Variants in TTC28 observed in about 807,000 individuals in gnomAD.
TTC28 encodes the protein tetratricopeptide repeat protein 28.
TTC28 carries 61 observed loss-of-function variants against 198.0 expected under a neutral mutation model. The ratio of observed to expected loss-of-function variants is 0.31; its 90% CI spans 0.25 to 0.38. TTC28 has a LOEUF of 0.38. TTC28 is among the 10% of genes least tolerant of loss of function. The probability of loss-of-function intolerance (pLI) is 1.00; values close to 1 mark genes in which losing one functional copy is unlikely to be tolerated. For missense variants in TTC28, 2,678 were observed against 3,164.0 expected, an observed-to-expected ratio of 0.85 and a Z score of 3.69; for synonymous variants, 1,171 against 1,297.8, an observed-to-expected ratio of 0.90 and a Z score of 2.10.
chr22:28,323,607 C>T (rs909911520), intron 2 of TTC28, among the ~76,000 whole-genome samples: 6 of 151,974 alleles, frequency 3.9e-5, no homozygotes, highest in African/African-American at 1.5e-4. Context: ...ATGAAGTGGG[C>T]TTACAGGATC....
At chr22:28,413,443 CG>C (rs1275285190) in intron 2 of TTC28, among the ~76,000 whole-genome samples, 1 of 151,828 alleles carries the variant, frequency 6.6e-6, no homozygotes, top group African/African-American at 2.4e-5. Context: ...AGTTTCTAGT[CG>C]TCTGATGTAC....
intron 2 of TTC28, among the ~76,000 whole-genome samples, chr22:28,397,185 T>C (rs1012992356): frequency 2.0e-5 from 3 of 152,302 alleles, no homozygotes; most frequent in South Asian, 2.1e-4. Context: ...CATTAACTAG[T>C]AAGATAAAGA....
At chr22:28,038,275 A>G (rs1256881986) in intron 12 of TTC28, among the ~76,000 whole-genome samples, 2 of 152,202 alleles carry the variant, frequency 1.3e-5, no homozygotes, top group African/African-American at 4.8e-5. Context: ...ACTATACTAC[A>G]AGGCTACAGT....
At chr22:28,266,111 C>T (rs764951084) in intron 5 of TTC28, among the ~76,000 whole-genome samples, 2 of 149,576 alleles carry the variant, frequency 1.3e-5, no homozygotes, top group South Asian at 2.1e-4. Context: ...ACCTGGGAGG[C>T]GGAGGTTGCA....
intron 12 of TTC28, 139 bp downstream of exon 12, chr22:28,093,938 TCTG>T: frequency 1.2e-6 from 1 of 833,862 alleles, no homozygotes; most frequent in Non-Finnish European, 1.8e-6. Context: ...CATATTTGTT[TCTG>T]CTGCAGCAGC....
intron 5 of TTC28, among the ~76,000 whole-genome samples, chr22:28,275,183 A>G (rs1175170363): frequency 6.6e-6 from 1 of 152,200 alleles, no homozygotes; most frequent in Non-Finnish European, 1.5e-5. Context: ...CGGAAGTTCT[A>G]TAAGAAATTT....
At chr22:28,394,865 TCTC>T (rs2062934501) in intron 2 of TTC28, among the ~76,000 whole-genome samples, 1 of 152,092 alleles carries the variant, frequency 6.6e-6, no homozygotes, top group Non-Finnish European at 1.5e-5. Flanking sequence ...ATTTTGTCTC[TCTC>T]CTCCTCAGAA....
At chr22:28,391,294 T>G (rs2046715307) in intron 2 of TTC28, among the ~76,000 whole-genome samples, 3 of 152,170 alleles carry the variant, frequency 2.0e-5, no homozygotes, top group Non-Finnish European at 4.4e-5. Flanking sequence ...TCATTTCAAC[T>G]TTGGTGAATC....
intron 2 of TTC28, among the ~76,000 whole-genome samples, chr22:28,525,770 AC>A (rs1023181078): frequency 4.6e-5 from 7 of 152,174 alleles, no homozygotes; most frequent in African/African-American, 1.7e-4. Flanking sequence ...AAGTCTGAAA[AC>A]TAACAAAATT....
At chr22:28,149,606 A>C (rs1024673868) in intron 6 of TTC28, among the ~76,000 whole-genome samples, 6 of 152,230 alleles carry the variant, frequency 3.9e-5, no homozygotes, top group South Asian at 4.1e-4. Flanking sequence ...ATGCAGGGTC[A>C]GAATCATCAA....
At chr22:28,611,609 T>G (rs2050821185) in intron 2 of TTC28, among the ~76,000 whole-genome samples, 1 of 148,444 alleles carries the variant, frequency 6.7e-6, no homozygotes, top group Non-Finnish European at 1.5e-5. Context: ...CTGCACCCAC[T>G]AACATGTCAT....
At chr22:28,407,650 A>C (rs2047019167) in intron 2 of TTC28, among the ~76,000 whole-genome samples, 1 of 152,242 alleles carries the variant, frequency 6.6e-6, no homozygotes, top group South Asian at 2.1e-4. Context: ...TTTTATAAGA[A>C]AGAAAAACAT....
rs543621165 is a variant in TTC28 at position 28,127,195 on chromosome 22, T to C, written c.1442-18792A>G. Among the ~76,000 whole-genome samples the C allele has an allele frequency of 1.8e-3, 281 of 152,322 alleles. 5 individuals carry two copies. Among genetic ancestry groups the C allele is most frequent in the Non-Finnish European group, 1.8e-4 (12 of 68,026 alleles). On this transcript the variant is annotated intron_variant, in intron 6 of 22. Transcript: ENST00000397906. The stretch of plus-strand genomic sequence containing the variant: ...TAAAAATATCTAGTACAGACAAGAC[T>C]GGGCCTTGGAGATACAAGTAGCTTT...
intron 14 of TTC28, 142 bp from the exon 15 acceptor site, chr22:28,001,695 G>A (rs1264503724): frequency 2.0e-6 from 2 of 978,770 alleles, no homozygotes; most frequent in Middle Eastern, 3.3e-4. Context: ...CATGGGGCAT[G>A]GGCCGAGTTG....
chr22:28,306,688 C>A (rs1285878787), intron 2 of TTC28, 45 bp from the exon 3 acceptor site: 4 of 1,540,952 alleles, frequency 2.6e-6, no homozygotes, highest in Non-Finnish European at 3.5e-6. Context: ...TGTGCTCCAA[C>A]AAGGCTGATG....
In TTC28 at chr22:28,456,764, C is replaced by T. The variant is rs549826878; in HGVS notation, c.382-150121G>A. Among the ~76,000 whole-genome samples, 41 of 152,164 alleles carry T rather than the reference C, an allele frequency of 2.7e-4. No homozygotes were observed. The South Asian group carries it at 7.3e-3, about 27-fold the overall frequency. The stretch of plus-strand genomic sequence containing the variant: ...CTAATTTTTGTATTTTTAGTAGAGA[C>T]GGGGTTTCACGATGTTGGCCAGGAT... On this transcript the variant is annotated intron_variant, in intron 2 of 22. Coordinates refer to ENST00000397906, the MANE Select transcript of TTC28 (RefSeq NM_001145418.2).
At chr22:28,647,182 T>C (rs565756142) in intron 1 of TTC28, among the ~76,000 whole-genome samples, 1 of 152,210 alleles carries the variant, frequency 6.6e-6, no homozygotes, top group Admixed American at 6.5e-5. Flanking sequence ...AATAGCCACA[T>C]GTAGAGGAGT....
chr22:28,243,866 T>C (rs1183089190), intron 5 of TTC28, among the ~76,000 whole-genome samples: 1 of 152,148 alleles, frequency 6.6e-6, no homozygotes, highest in African/African-American at 2.4e-5. Context: ...ATTTGATTCA[T>C]TCAACAAATA....
At chr22:28,165,043 G>C (rs538042259) in intron 5 of TTC28, among the ~76,000 whole-genome samples, 242 of 152,318 alleles carry the variant, frequency 1.6e-3, no homozygotes, top group African/African-American at 5.6e-3. Context: ...ACAAGCCTCA[G>C]TAGCTGATGC....
Sources: gnomAD v4.1 joint callset for allele counts (sites outside exome capture counted in the v4.1 genomes callset) on GRCh38, gnomAD v4.1.1 for gene constraint, MANE v1.5 for transcripts, NCBI Gene and HGNC (gene_info 2026-07-23, HGNC 2026-07-21) for gene names.